Variants in PNPLA7 observed in about 807,000 individuals in gnomAD.
PNPLA7 encodes the protein patatin like domain 7, lysophospholipase.
Under a neutral mutation model 161.7 loss-of-function variants are expected in PNPLA7, and 153 were observed. The observed-to-expected ratio is 0.95, with a 90% CI of 0.83 to 1.08. The LOEUF (loss-of-function observed/expected upper bound fraction) is 1.08. Among genes scored for constraint, PNPLA7 ranks in the 50% least tolerant of loss-of-function variants. The pLI, the probability that PNPLA7 is intolerant of heterozygous loss-of-function variation, is 0.00. For synonymous variants in PNPLA7, 809 were observed against 782.1 expected, an observed-to-expected ratio of 1.03 and a Z score of -0.57; for missense variants, 1,739 against 1,856.6, an observed-to-expected ratio of 0.94 and a Z score of 1.16.
At chr9:137,498,272 G>A (rs371859459) in intron 16 of PNPLA7, 27 bp from the exon 17 acceptor site, 1 of 1,606,396 alleles carries the variant, frequency 6.2e-7, no homozygotes, top group Non-Finnish European at 8.5e-7. Context: ...AGTCAATCCT[G>A]CCCCATCCCT....
intron 21 of PNPLA7, among the ~76,000 whole-genome samples, chr9:137,481,772 C>G (rs1832232312): frequency 6.6e-6 from 1 of 152,176 alleles, no homozygotes; most frequent in Non-Finnish European, 1.5e-5. Flanking sequence ...TCCATCTCTA[C>G]TAAAAATACA....
In PNPLA7 at chr9:137,500,501, T is replaced by C. The variant is rs1833332527; in HGVS notation, c.1757+190A>G. ...TGCGAAGCTGATCGCTGCGGGCAGG[T>C]GGGGTCGGCTGACTGAGCGCTGGAG... On this transcript the variant is annotated intron_variant, in intron 16 of 34. Transcript: ENST00000406427. The surrounding 1 kb of genome is among the most constrained non-coding windows in gnomAD (Gnocchi z 5.5). 6.8e-6 allele frequency among the ~76,000 whole-genome samples: 1 copy of C among 147,370 alleles called. No individual in the cohort carries two copies. The highest frequency in any genetic ancestry group is 2.5e-5 in the African/African-American group (1 of 39,446).
chr9:137,515,579 G>C (rs1228316828), intron 11 of PNPLA7, 60 bp from the exon 12 acceptor site: 7 of 1,464,872 alleles, frequency 4.8e-6, no homozygotes, highest in Non-Finnish European at 6.3e-6. Flanking sequence ...GTCTGGTGCA[G>C]CCCATTCGGG....
At chr9:137,512,439 G>A (rs980753313) in intron 12 of PNPLA7, among the ~76,000 whole-genome samples, 2 of 152,268 alleles carry the variant, frequency 1.3e-5, no homozygotes, top group Non-Finnish European at 2.9e-5. Context: ...GCAGCCATCG[G>A]GACGGCAGGC....
intron 11 of PNPLA7, chr9:137,516,258 G>A: frequency 2.1e-6 from 2 of 951,048 alleles, no homozygotes; most frequent in African/African-American, 1.8e-5. Context: ...GGATGTGGCT[G>A]TCTGGGCTCG....
intron 8 of PNPLA7, among the ~76,000 whole-genome samples, chr9:137,531,799 G>A (rs933564844): frequency 1.3e-5 from 2 of 152,212 alleles, no homozygotes; most frequent in African/African-American, 4.8e-5. Flanking sequence ...TATCTCTGAA[G>A]AAAAGAGAAG....
intron 18 of PNPLA7, among the ~76,000 whole-genome samples, chr9:137,495,409 C>G (rs1564310542): frequency 6.6e-6 from 1 of 152,244 alleles, no homozygotes; most frequent in Non-Finnish European, 1.5e-5. Context: ...GCAGCCTCAG[C>G]TCTCCCGAAG....
At chr9:137,496,197 T>A (rs888564439) in intron 18 of PNPLA7, among the ~76,000 whole-genome samples, 17 of 148,850 alleles carry the variant, frequency 1.1e-4, no homozygotes, top group African/African-American at 4.2e-4. Flanking sequence ...GAGTGCCGCC[T>A]CCCAGGTTCA....
chr9:137,504,364 A>G (rs1433793759), intron 14 of PNPLA7, among the ~76,000 whole-genome samples: 1 of 152,192 alleles, frequency 6.6e-6, no homozygotes, highest in African/African-American at 2.4e-5. Flanking sequence ...GGCACGTGCC[A>G]TCACACCCAG....
In PNPLA7 at chr9:137,520,031, T is replaced by C; in HGVS notation, c.970A>G (p.Ile324Val). ...ACACTGGCTACAGACACGAGAGGGATGGCCTGGCTCTCCTGGGACACAAGA... is the reference window on the plus strand; with the variant it reads ...ACACTGGCTACAGACACGAGAGGGACGGCCTGGCTCTCCTGGGACACAAGA... ...TELFNAESQA[I>V]PLVSVASVAA... Residue 324 changes from isoleucine to valine, a missense_variant, in exon 11 of 35, where the codon ATC (isoleucine) becomes GTC (valine). Ile to Val is a conservative substitution (Grantham distance 29). This residue lies in a region of PNPLA7 where 152 missense variants were observed against 193.5 expected (regional missense o/e 0.79). Transcript: ENST00000406427. This position sits in a 1 kb window ranked among gnomAD's most constrained non-coding sequence, Gnocchi z 5.2. The C allele has an allele frequency of 6.2e-7, 1 of 1,612,532 alleles. No individual in the cohort carries two copies. Among genetic ancestry groups the C allele is most frequent in the Non-Finnish European group, 8.5e-7 (1 of 1,179,902 alleles).
At chr9:137,548,255 A>G (rs576064493) in intron 1 of PNPLA7, among the ~76,000 whole-genome samples, 1 of 152,180 alleles carries the variant, frequency 6.6e-6, no homozygotes, top group African/African-American at 2.4e-5. Flanking sequence ...AGAAAACGAG[A>G]AGACGAGAAG....
rs1331972174 is a variant in PNPLA7 at position 137,461,934 on chromosome 9, A to T, written c.3753T>A (p.Ser1251Arg). ...TGGTCCGGACGCCCGTACTCACCGC[A>T]CTCGCGGGCTTCTTGCTCGGCCCCT... ...DQQGPSKKPA[S>R]AVLTCPNASF... Residue 1251 changes from serine (S) to arginine (R), a missense_variant, in exon 32 of 35, where the codon AGT (serine) becomes AGA (arginine). Coordinates refer to ENST00000406427, the MANE Select transcript of PNPLA7 (RefSeq NM_001098537.3). The T allele has an allele frequency of 6.4e-7, 1 of 1,568,526 alleles. No homozygotes were observed. The highest frequency in any genetic ancestry group is 1.3e-5 in the African/African-American group (1 of 74,228).
intron 14 of PNPLA7, 22 bp from the exon 15 acceptor site, chr9:137,501,749 G>C: frequency 6.2e-7 from 1 of 1,609,844 alleles, no homozygotes; most frequent in Non-Finnish European, 8.5e-7. Flanking sequence ...GCAGACTTCA[G>C]GGAACACGGG....
At chr9:137,498,303 G>C (rs1160371197) in intron 16 of PNPLA7, 58 bp from the exon 17 acceptor site, 1 of 1,591,742 alleles carries the variant, frequency 6.3e-7, no homozygotes, top group African/African-American at 1.3e-5. Context: ...CCTTCGCCCA[G>C]GGCCGCAGTG....
chr9:137,501,044 C>T, intron 15 of PNPLA7, 148 bp from the exon 16 acceptor site: 3 of 662,714 alleles, frequency 4.5e-6, no homozygotes, highest in Middle Eastern at 3.9e-4. Context: ...TCACTGGAAA[C>T]ATTTCGGCAG....
rs533942389 is a variant in PNPLA7 at position 137,537,640 on chromosome 9, C to T, written c.747+3002G>A. 2.0e-5 allele frequency among the ~76,000 whole-genome samples: 3 copies of T among 152,218 alleles called. No homozygotes were observed. Among genetic ancestry groups the T allele is most frequent in the East Asian group, 3.9e-4 (2 of 5,170 alleles). ...AATCACCTCCCATTTTTTACTCCCA[C>T]TACACTCAGGGAAGATCCATTCCCA... On this transcript the variant is annotated intron_variant, in intron 8 of 34. Transcript: ENST00000406427. This position sits in a 1 kb window ranked among gnomAD's most constrained non-coding sequence, Gnocchi z 4.5.
chr9:137,472,144 G>A (rs1254641114), intron 25 of PNPLA7, among the ~76,000 whole-genome samples: 1 of 151,838 alleles, frequency 6.6e-6, no homozygotes, highest in African/African-American at 2.4e-5. Context: ...CACCTGCAGG[G>A]CCACTGGATC....
intron 14 of PNPLA7, among the ~76,000 whole-genome samples, chr9:137,504,146 A>T (rs1833779649): frequency 7.0e-6 from 1 of 143,638 alleles, no homozygotes; most frequent in Non-Finnish European, 1.5e-5. Context: ...GAAAAAAGAA[A>T]GGAAGAAGAA....
chr9:137,505,252 TG>T (rs1311499601), intron 14 of PNPLA7, among the ~76,000 whole-genome samples: 1 of 144,150 alleles, frequency 6.9e-6, no homozygotes, highest in Admixed American at 6.9e-5. Context: ...GATGAACTAA[TG>T]ATTGAATATT....
Sources: allele counts gnomAD v4.1 joint callset (sites outside exome capture counted in the v4.1 genomes callset), GRCh38; gene constraint gnomAD v4.1.1; regional missense constraint gnomAD v4.1.1; non-coding constraint Gnocchi (gnomAD v3.1); transcripts MANE v1.5; gene names NCBI Gene and HGNC (gene_info 2026-07-23, HGNC 2026-07-21).